SLC37A3: variants seen among roughly 807,000 people sequenced by gnomAD.
SLC37A3 encodes solute carrier family 37 member 3.
Under a neutral mutation model 67.1 loss-of-function variants are expected in SLC37A3, and 51 were observed. That is an observed-to-expected ratio of 0.76 (90% confidence interval 0.61 to 0.96). SLC37A3 has a LOEUF of 0.96. SLC37A3 is among the 40% of genes least tolerant of loss of function. SLC37A3 has a pLI of 0.00. For synonymous variants in SLC37A3, 214 were observed against 231.4 expected (o/e 0.92, Z 0.68); for missense variants, 508 against 603.0 (o/e 0.84, Z 1.65).
chr7:140,358,391 C>G (rs1797121354), intron 6 of SLC37A3, among the ~76,000 whole-genome samples: 1 of 152,056 alleles, frequency 6.6e-6, no homozygotes, highest in African/African-American at 2.4e-5. Flanking sequence ...CTGCCTTGGC[C>G]CACACTCAGA....
chr7:140,337,434 T>C (rs1422898575), intron 13 of SLC37A3, 85 bp from the exon 14 acceptor site: 2 of 1,096,758 alleles, frequency 1.8e-6, no homozygotes, highest in Non-Finnish European at 2.6e-6. Flanking sequence ...AACATGGCTA[T>C]TTTAGAAAAT....
chr7:140,340,126 A>G lies in SLC37A3; in HGVS notation c.1327-2777T>C, dbSNP rs1169902215. ...ATTTGCATTTTCCCAATGACTAAGG[A>G]TGCTGAGACTCTTCATGTGCTTATT... is the stretch of plus-strand genomic sequence containing the variant. On this transcript the variant is annotated intron_variant, in intron 13 of 14. Coordinates refer to ENST00000326232, the MANE Select transcript of SLC37A3 (RefSeq NM_207113.3). 2.0e-5 allele frequency among the ~76,000 whole-genome samples: 3 copies of G among 152,186 alleles called. No homozygotes were observed. In the East Asian group the frequency reaches 5.8e-4, roughly 29 times the overall value.
At chr7:140,362,199 G>A (rs1286026383) in intron 5 of SLC37A3, among the ~76,000 whole-genome samples, 9 of 141,252 alleles carry the variant, frequency 6.4e-5, no homozygotes, top group African/African-American at 2.4e-4. Flanking sequence ...CCTCTGCCCC[G>A]CCGCCCTGTC....
At chr7:140,335,744 C>T (rs539931696) in intron 14 of SLC37A3, among the ~76,000 whole-genome samples, 2 of 152,280 alleles carry the variant, frequency 1.3e-5, no homozygotes, top group African/African-American at 2.4e-5. Context: ...TTGCCATAGG[C>T]GGAGCAGAGA....
At chr7:140,367,907 C>T (rs1353631775) in intron 4 of SLC37A3, among the ~76,000 whole-genome samples, 5 of 151,302 alleles carry the variant, frequency 3.3e-5, no homozygotes, top group African/African-American at 1.2e-4. Flanking sequence ...GCAACCTCCT[C>T]CTCCCGGGTT....
chr7:140,393,006 C>T (rs1394155787), intron 1 of SLC37A3, among the ~76,000 whole-genome samples: 1 of 152,076 alleles, frequency 6.6e-6, no homozygotes, highest in African/African-American at 2.4e-5. Flanking sequence ...GCAGGAGAAT[C>T]GCTTGAACCC....
chr7:140,385,034 A>G (rs1391212059), intron 1 of SLC37A3, among the ~76,000 whole-genome samples: 1 of 152,228 alleles, frequency 6.6e-6, no homozygotes, highest in African/African-American at 2.4e-5. Context: ...TTATGTACAC[A>G]TGACAGTTGT....
chr7:140,379,539 G>C (rs982422704), intron 3 of SLC37A3: 1 of 151,222 alleles, frequency 6.6e-6, no homozygotes, highest in African/African-American at 2.4e-5. Context: ...CAATATGCAA[G>C]ACAGTGTACA....
At chr7:140,348,355 G>A (rs1300455491) in intron 10 of SLC37A3, 2 of 279,424 alleles carry the variant, frequency 7.2e-6, no homozygotes, top group Non-Finnish European at 1.3e-5. Context: ...CAAAAGAACT[G>A]ATCCATCAAC....
Position 140,337,329 on chromosome 7 carries a change from C to T in SLC37A3, c.1347G>A (p.Arg449=). ...AAACCCACATCCATCCTAGCTTGTC[C>T]CGGATCAGAGACACTAAATACTGAA... The part of the protein sequence containing the change: ...AVGQYLVSLI[R]DKLGWMWVFY... The change falls in exon 14 of 15, where the codon CGG becomes CGA. Residue 449 remains arginine (R), a synonymous_variant. Transcript: ENST00000326232. 1 of 1,598,788 alleles carries T rather than the reference C, an allele frequency of 6.3e-7. No homozygotes were observed. The highest frequency in any genetic ancestry group is 1.1e-5 in the South Asian group (1 of 88,210).
Position 140,345,966 on chromosome 7 carries a change from TC to T in SLC37A3, c.1028del (p.Gly343GlufsTer20). On this transcript the variant is annotated frameshift_variant, in exon 11 of 15. Coordinates refer to ENST00000326232, the MANE Select transcript of SLC37A3 (RefSeq NM_207113.3). LOFTEE classifies it high-confidence loss of function. ...CATCAGAGATGAAGCCTTGCAAAGT[TC>T]CACCTTCAAGCAGAGTGTCGAGCAA... ...IWYDVGGIIG[G>X]TLQGFISDVL... 1 of 1,612,652 alleles carries T rather than the reference TC, an allele frequency of 6.2e-7. No individual in the cohort carries two copies. The highest frequency in any genetic ancestry group is 8.5e-7 in the Non-Finnish European group (1 of 1,178,858).
chr7:140,394,769 C>T (rs939177748), intron 1 of SLC37A3, among the ~76,000 whole-genome samples: 11 of 151,384 alleles, frequency 7.3e-5, no homozygotes, highest in Non-Finnish European at 1.6e-4. Context: ...CCACCACGTC[C>T]AGCTAATTTT....
intron 7 of SLC37A3, 170 bp from the exon 8 acceptor site, chr7:140,352,316 T>C: frequency 1.6e-6 from 1 of 614,572 alleles, no homozygotes; most frequent in Non-Finnish European, 2.9e-6. Flanking sequence ...TGCAAAGTGT[T>C]CTACTCGTGT....
At chr7:140,345,117 G>T in intron 12 of SLC37A3, 99 bp downstream of exon 12, 4 of 1,027,766 alleles carry the variant, frequency 3.9e-6, no homozygotes, top group Non-Finnish European at 4.4e-6. Context: ...CTGTAATTAA[G>T]GTTTCGGTAC....
At position 140,382,443 on chromosome 7, in the gene SLC37A3, GA is replaced by G; in HGVS notation, c.83del (p.Phe28SerfsTer82). The G allele has an allele frequency of 6.2e-7, 1 of 1,613,910 alleles. No homozygotes were observed. The highest frequency in any genetic ancestry group is 1.1e-5 in the South Asian group (1 of 91,076). ...HHHVVVFLLT[F>X]FSYSLLHASR... Reference sequence around the variant, plus strand: ...AGCTTTGGCAACATGCTTACCTGAAGAAAGTGAGCAGGAACACTACAACATG... The same window carrying G: ...AGCTTTGGCAACATGCTTACCTGAAGAAGTGAGCAGGAACACTACAACATG... On this transcript the variant is annotated frameshift_variant, in exon 2 of 15. Transcript: ENST00000326232. LOFTEE classifies it high-confidence loss of function.
intron 3 of SLC37A3, among the ~76,000 whole-genome samples, chr7:140,371,140 G>C (rs932998885): frequency 1.5e-4 from 23 of 152,228 alleles, no homozygotes; most frequent in African/African-American, 5.5e-4. Flanking sequence ...TCAGTGGCCA[G>C]TCTGCAGAAC....
chr7:140,372,878 A>C (rs532530122), intron 3 of SLC37A3, among the ~76,000 whole-genome samples: 2 of 151,724 alleles, frequency 1.3e-5, no homozygotes, highest in Non-Finnish European at 2.9e-5. Flanking sequence ...AAAAAAAGCC[A>C]GTGTCACGTA....
At chr7:140,340,944 TAGAG>T (rs1365105380) in intron 13 of SLC37A3, among the ~76,000 whole-genome samples, 1 of 150,040 alleles carries the variant, frequency 6.7e-6, no homozygotes, top group Non-Finnish European at 1.5e-5. Flanking sequence ...AAAAAAAAAA[TAGAG>T]AGAGAGAGCC....
At chr7:140,364,253 G>C (rs955559381) in intron 5 of SLC37A3, among the ~76,000 whole-genome samples, 155 bp downstream of exon 5, 5 of 34,064 alleles carry the variant, frequency 1.5e-4, no homozygotes, top group Non-Finnish European at 3.2e-4. Context: ...TTCTGTCTCG[G>C]GGGGGAAAAA....
Sources: gnomAD v4.1 joint callset for allele counts (sites outside exome capture counted in the v4.1 genomes callset) on GRCh38, gnomAD v4.1.1 for gene constraint, MANE v1.5 for transcripts, NCBI Gene and HGNC (gene_info 2026-07-23, HGNC 2026-07-21) for gene names.